Variants in POLR3B observed in about 807,000 individuals in gnomAD.
POLR3B encodes RNA polymerase III subunit B, also known as DNA-directed RNA polymerase III subunit RPC2.
In POLR3B, 96 loss-of-function variants were observed where a neutral mutation model predicts 147.4. The ratio of observed to expected loss-of-function variants is 0.65; its 90% CI spans 0.55 to 0.77. The LOEUF is 0.77. Among genes scored for constraint, POLR3B ranks in the 30% least tolerant of loss-of-function variants. POLR3B has a pLI of 0.00. For synonymous variants in POLR3B, 461 were observed against 485.9 expected, an observed-to-expected ratio of 0.95 and a Z score of 0.67; for missense variants, 1,036 against 1,413.5, an observed-to-expected ratio of 0.73 and a Z score of 4.28.
At chr12:106,398,051 A>G (rs1395598640) in intron 10 of POLR3B, among the ~76,000 whole-genome samples, 2 of 152,248 alleles carry the variant, frequency 1.3e-5, no homozygotes, top group Non-Finnish European at 2.9e-5. Flanking sequence ...TCACCCAGGA[A>G]GCACAAGGGG....
chr12:106,445,229 G>A (rs2037706213), intron 19 of POLR3B, among the ~76,000 whole-genome samples: 1 of 152,210 alleles, frequency 6.6e-6, no homozygotes, highest in Non-Finnish European at 1.5e-5. Context: ...ATAGAGAGAT[G>A]AGGCAGAGCC....
chr12:106,461,626 G>T (rs975742530), intron 22 of POLR3B, among the ~76,000 whole-genome samples: 2 of 152,126 alleles, frequency 1.3e-5, no homozygotes, highest in African/African-American at 4.8e-5. Context: ...GTACCCCCTA[G>T]TCTCTGGCAT....
chr12:106,498,838 G>A (rs1045807789), intron 25 of POLR3B, among the ~76,000 whole-genome samples: 5 of 152,120 alleles, frequency 3.3e-5, no homozygotes, highest in African/African-American at 9.7e-5. Flanking sequence ...CACCTGCCTC[G>A]GCCTCCCAAA....
At chr12:106,471,471 C>T (rs2038091386) in intron 23 of POLR3B, among the ~76,000 whole-genome samples, 1 of 152,130 alleles carries the variant, frequency 6.6e-6, no homozygotes, top group South Asian at 2.1e-4. Context: ...GTGAGGTGCA[C>T]CCACTGTCCA....
intron 23 of POLR3B, among the ~76,000 whole-genome samples, chr12:106,481,806 T>G (rs948296406): frequency 1.3e-5 from 2 of 152,226 alleles, no homozygotes; most frequent in Non-Finnish European, 2.9e-5. Context: ...ACAAGAATGT[T>G]TAGTGAGTAT....
At chr12:106,433,650 G>A (rs913103297) in intron 15 of POLR3B, 69 bp from the exon 16 acceptor site, 1 of 1,275,208 alleles carries the variant, frequency 7.8e-7, no homozygotes, top group African/African-American at 1.5e-5. Context: ...ATTTTTATTG[G>A]TTGGATATAT....
chr12:106,500,178 C>T (rs768056355), intron 25 of POLR3B: 20 of 455,722 alleles, frequency 4.4e-5, no homozygotes, highest in Non-Finnish European at 7.9e-5. Context: ...TAGTTGCTTC[C>T]TTCCCTTTGA....
rs1211039670 is a variant in POLR3B, at chr12:106,509,653, G to A, written c.*104G>A. 1.1e-5 allele frequency: 12 copies of A among 1,060,962 alleles called. No individual in the cohort carries two copies. The highest frequency in any genetic ancestry group is 4.7e-5 in the African/African-American group (3 of 63,928). 65.7% of individuals were successfully genotyped at this position (1,060,962 alleles called of 1,614,324 possible). On this transcript the variant is annotated 3_prime_UTR_variant, in exon 28 of 28. Coordinates refer to ENST00000228347, the MANE Select transcript of POLR3B (RefSeq NM_018082.6). ...CTCCTCCTGTGAAGAATTCCCTTGC[G>A]TATTCTCTCTCTAAAACAACCAAAA... is the stretch of plus-strand genomic sequence containing the variant.
intron 12 of POLR3B, among the ~76,000 whole-genome samples, chr12:106,426,943 T>A (rs1047155925): frequency 2.7e-5 from 4 of 146,980 alleles, no homozygotes; most frequent in African/African-American, 1.0e-4. Flanking sequence ...TAGAAGTGAC[T>A]GGTCTAAAGA....
intron 1 of POLR3B, among the ~76,000 whole-genome samples, chr12:106,359,994 G>T (rs985412879): frequency 1.3e-5 from 2 of 152,194 alleles, no homozygotes; most frequent in Non-Finnish European, 2.9e-5. Context: ...CCAGCCTTCT[G>T]ATTGAAGAAT....
intron 23 of POLR3B, among the ~76,000 whole-genome samples, chr12:106,469,109 A>G (rs755045158): frequency 1.3e-5 from 2 of 152,100 alleles, no homozygotes; most frequent in Admixed American, 1.3e-4. Flanking sequence ...AACTTGCTTT[A>G]TGAATCTGGG....
intron 9 of POLR3B, 136 bp downstream of exon 9, chr12:106,380,275 A>T (rs887956226): frequency 1.5e-6 from 1 of 666,052 alleles, no homozygotes; most frequent in African/African-American, 1.8e-5. Context: ...CATATGATGT[A>T]TTTTAAATTG....
chr12:106,389,474 C>T (rs557219679), intron 9 of POLR3B, among the ~76,000 whole-genome samples: 3 of 152,182 alleles, frequency 2.0e-5, no homozygotes, highest in Non-Finnish European at 2.9e-5. Context: ...ATGAAATCAC[C>T]ACTTAGATTC....
At chr12:106,440,717 C>G (rs187927805) in intron 18 of POLR3B, among the ~76,000 whole-genome samples, 1 of 151,296 alleles carries the variant, frequency 6.6e-6, no homozygotes, top group Admixed American at 6.6e-5. Flanking sequence ...ATCCACTCCT[C>G]TTTACTACTT....
chr12:106,410,087 A>G (rs1219312772), intron 11 of POLR3B, among the ~76,000 whole-genome samples: 1 of 152,220 alleles, frequency 6.6e-6, no homozygotes, highest in African/African-American at 2.4e-5. Context: ...ACAGCATGTT[A>G]GTACAATTCT....
rs34915594 is a variant in POLR3B at position 106,477,891 on chromosome 12, C to CTTTTTTTTTTTTTTT, written c.2713+14287_2713+14301dup. Among the ~76,000 whole-genome samples, 2 of 70,548 alleles carry CTTTTTTTTTTTTTTT rather than the reference C, an allele frequency of 2.8e-5. 1 individual carries two copies. The highest frequency in any genetic ancestry group is 1.2e-3 in the East Asian group (2 of 1,656). The allele number at this position is 70,548 out of a possible 152,430, so 46.3% of individuals were successfully genotyped here. A position where few individuals can be genotyped will look rare whatever the true frequency, so the allele number is the denominator to read the frequency against. ...CTATTCGGCCATCTTGGCTCCTCCC[C>CTTTTTTTTTTTTTTT]TTTTTTTTTTTTTTTTTTTTTTTTT... On this transcript the variant is annotated intron_variant, in intron 23 of 27. Coordinates refer to ENST00000228347, the MANE Select transcript of POLR3B (RefSeq NM_018082.6).
At chr12:106,375,100 A>G (rs1016035158) in intron 6 of POLR3B, among the ~76,000 whole-genome samples, 3 of 152,184 alleles carry the variant, frequency 2.0e-5, no homozygotes, top group African/African-American at 7.2e-5. Context: ...AGAATACACA[A>G]ATCGAGGTTG....
intron 10 of POLR3B, among the ~76,000 whole-genome samples, chr12:106,396,442 G>A (rs1178954117): frequency 6.6e-6 from 1 of 152,122 alleles, no homozygotes; most frequent in East Asian, 1.9e-4. Context: ...TCTTATCATG[G>A]GGACAGAGTT....
chr12:106,357,793 A>G lies in POLR3B; in HGVS notation c.-87A>G, dbSNP rs2036405078. 1.5e-6 allele frequency: 2 copies of G among 1,330,674 alleles called. No individual in the cohort carries two copies. Among genetic ancestry groups the G allele is most frequent in the Non-Finnish European group, 2.1e-6 (2 of 944,192 alleles). The allele number at this position is 1,330,674 out of a possible 1,614,324, so 82.4% of individuals were successfully genotyped here. Reference sequence around the variant, plus strand: ...GCGGGGACAGTTTAGGCCTCCGCGCACCGTTCGCCGGGAGTCTTGCAGTTT... The same window carrying G: ...GCGGGGACAGTTTAGGCCTCCGCGCGCCGTTCGCCGGGAGTCTTGCAGTTT... On this transcript the variant is annotated 5_prime_UTR_variant, in exon 1 of 28. Coordinates refer to ENST00000228347, the MANE Select transcript of POLR3B (RefSeq NM_018082.6).
Sources: gnomAD v4.1 joint callset for allele counts (sites outside exome capture counted in the v4.1 genomes callset) on GRCh38, gnomAD v4.1.1 for gene constraint, MANE v1.5 for transcripts, NCBI Gene and HGNC (gene_info 2026-07-23, HGNC 2026-07-21) for gene names.